Variants in TIMP2 observed in about 807,000 individuals in gnomAD.
The protein encoded by TIMP2 is metalloproteinase inhibitor 2.
Under a neutral mutation model 24.3 loss-of-function variants are expected in TIMP2, and 5 were observed. The observed-to-expected ratio is 0.21, with a 90% CI of 0.11 to 0.43. The LOEUF (loss-of-function observed/expected upper bound fraction) is 0.43, where lower values mean the gene tolerates loss of function less well. Among genes scored for constraint, TIMP2 ranks in the 20% least tolerant of loss-of-function variants. TIMP2 has a pLI of 1.00. For missense variants in TIMP2, 221 were observed against 297.5 expected (o/e 0.74, Z 1.89); for synonymous variants, 130 against 123.2 (o/e 1.06, Z -0.37).
intron 1 of TIMP2, chr17:78,892,012 C>G: frequency 6.4e-7 from 1 of 1,550,696 alleles, no homozygotes. Context: ...CCTTGGCCCT[C>G]GGGGGCCTGG....
intron 1 of TIMP2, chr17:78,899,301 C>G (rs1009021400): frequency 2.6e-5 from 4 of 153,396 alleles, no homozygotes; most frequent in African/African-American, 9.6e-5. Flanking sequence ...ACCCCCAGGC[C>G]TGCACCCCGT....
intron 1 of TIMP2, chr17:78,904,535 G>A (rs2070139486): frequency 1.3e-5 from 2 of 152,190 alleles, no homozygotes; most frequent in African/African-American, 4.8e-5. Flanking sequence ...CTGACTCAGG[G>A]AAGGGAGGCA....
chr17:78,857,682 G>A (rs752833282), intron 3 of TIMP2, 36 bp from the exon 4 acceptor site: 13 of 1,613,020 alleles, frequency 8.1e-6, no homozygotes, highest in African/African-American at 1.3e-5. Flanking sequence ...CTCAGGGAGA[G>A]GGAAAAGTCC....
rs1004909200 is a variant in TIMP2 at position 78,924,369 on chromosome 17, C to A, written c.130+590G>T. Among the ~76,000 whole-genome samples the A allele has an allele frequency of 7.9e-5, 12 of 152,346 alleles. No individual in the cohort carries two copies. Among genetic ancestry groups the A allele is most frequent in the Non-Finnish European group, 1.8e-4 (12 of 68,036 alleles). On this transcript the variant is annotated intron_variant, in intron 1 of 4. Transcript: ENST00000262768. The surrounding 1 kb of genome is among the most constrained non-coding windows in gnomAD (Gnocchi z 5.3). ...TCCTGGGCAGGGCGCAAGCAAGGAG[C>A]CACGCCAGGAGACGCCACCGGCTTT...
rs1038755442 is a variant in TIMP2 at position 78,920,634 on chromosome 17, C to T, written c.130+4325G>A. Among the ~76,000 whole-genome samples the T allele has an allele frequency of 2.6e-5, 4 of 152,222 alleles. No homozygotes were observed. The highest frequency in any genetic ancestry group is 5.9e-5 in the Non-Finnish European group (4 of 68,034). Reference sequence around the variant, plus strand: ...TTCTCCCCACAGCTCCCTCCTCAACCTACCATGGGGCCTTCTATCCTCACA... The same window carrying T: ...TTCTCCCCACAGCTCCCTCCTCAACTTACCATGGGGCCTTCTATCCTCACA... On this transcript the variant is annotated intron_variant, in intron 1 of 4. Transcript: ENST00000262768. The surrounding 1 kb of genome is among the most constrained non-coding windows in gnomAD (Gnocchi z 4.5).
Position 78,924,039 on chromosome 17 carries a change from A to G in TIMP2, c.130+920T>C, listed in dbSNP as rs939690159. Among the ~76,000 whole-genome samples, 3 of 152,192 alleles carry G rather than the reference A, an allele frequency of 2.0e-5. No individual in the cohort carries two copies. The highest frequency in any genetic ancestry group is 7.2e-5 in the African/African-American group (3 of 41,458). ...CAGGAAAACCATGCTGACCAGCACCAGGGCTGCAGAGGCTTGAGGTGCAGG... is the reference window on the plus strand; with the variant it reads ...CAGGAAAACCATGCTGACCAGCACCGGGGCTGCAGAGGCTTGAGGTGCAGG... On this transcript the variant is annotated intron_variant, in intron 1 of 4. Transcript: ENST00000262768. This position sits in a 1 kb window ranked among gnomAD's most constrained non-coding sequence, Gnocchi z 5.3.
At chr17:78,879,611 T>C (rs913601947) in intron 1 of TIMP2, among the ~76,000 whole-genome samples, 10 of 152,042 alleles carry the variant, frequency 6.6e-5, no homozygotes, top group African/African-American at 2.2e-4. Flanking sequence ...GGGGGAGTCT[T>C]TATAAAGACT....
At chr17:78,872,911 C>T (rs887076583) in intron 2 of TIMP2, among the ~76,000 whole-genome samples, 2 of 151,958 alleles carry the variant, frequency 1.3e-5, no homozygotes, top group Non-Finnish European at 2.9e-5. Flanking sequence ...CTCACGGCAA[C>T]CTCTGCCTCC....
intron 1 of TIMP2, chr17:78,904,089 T>TTGTGTGTGTGTGTGTGTGTGTGTGTG (rs1555651932): frequency 1.5e-3 from 68 of 43,950 alleles, no homozygotes; most frequent in African/African-American, 9.6e-3. Context: ...CCCAGCTAAT[T>TTGTGTGTGTGTGTGTGTGTGTGTGTG]TATGTGTGTG....
At chr17:78,857,368 C>T in intron 4 of TIMP2, 154 bp downstream of exon 4, 4 of 1,024,560 alleles carry the variant, frequency 3.9e-6, no homozygotes, top group South Asian at 1.6e-5. Flanking sequence ...GCCAGACAGC[C>T]TTACTCTTGG....
At chr17:78,907,504 T>C (rs1477194658) in intron 1 of TIMP2, among the ~76,000 whole-genome samples, 2 of 152,112 alleles carry the variant, frequency 1.3e-5, no homozygotes, top group Non-Finnish European at 2.9e-5. Context: ...GTGGGCACAG[T>C]TCATGGTGCC....
intron 3 of TIMP2, among the ~76,000 whole-genome samples, chr17:78,860,809 G>A (rs569165580): frequency 6.6e-6 from 1 of 152,270 alleles, no homozygotes; most frequent in East Asian, 1.9e-4. Context: ...GCCAGGGTGG[G>A]CAGATCACTT....
chr17:78,873,299 A>C (rs1370184308), intron 2 of TIMP2, among the ~76,000 whole-genome samples: 34 of 35,404 alleles, frequency 9.6e-4, no homozygotes, highest in Admixed American at 2.1e-3. Context: ...CCTCCCTGCC[A>C]CATATTTTTT....
chr17:78,907,488 T>C (rs2070171179), intron 1 of TIMP2, among the ~76,000 whole-genome samples: 1 of 152,174 alleles, frequency 6.6e-6, no homozygotes, highest in African/African-American at 2.4e-5. Context: ...AACTTTGCCA[T>C]CTCATGTGGG....
At chr17:78,889,159 G>T (rs754536592) in intron 1 of TIMP2, among the ~76,000 whole-genome samples, 1 of 152,234 alleles carries the variant, frequency 6.6e-6, no homozygotes, top group Non-Finnish European at 1.5e-5. Flanking sequence ...TGCACAGCTG[G>T]CAAAGGCTAA....
At chr17:78,912,943 G>A (rs899480768) in intron 1 of TIMP2, among the ~76,000 whole-genome samples, 1 of 152,192 alleles carries the variant, frequency 6.6e-6, no homozygotes, top group African/African-American at 2.4e-5. Context: ...CGTGGCACAA[G>A]CCTGTAATCC....
chr17:78,922,762 C>T (rs948795486), intron 1 of TIMP2, among the ~76,000 whole-genome samples: 4 of 151,918 alleles, frequency 2.6e-5, no homozygotes, highest in East Asian at 1.9e-4. Context: ...GAGGCTGCAG[C>T]GAGCCGAGAT....
intron 1 of TIMP2, among the ~76,000 whole-genome samples, chr17:78,916,248 G>A (rs1213096654): frequency 1.3e-5 from 2 of 152,142 alleles, no homozygotes; most frequent in African/African-American, 2.4e-5. Flanking sequence ...TCGCTCTGCT[G>A]GACTCAATCT....
chr17:78,891,726 C>T lies in TIMP2; in HGVS notation c.131-17807G>A. 6.4e-7 allele frequency: 1 copy of T among 1,551,232 alleles called. No homozygotes were observed. The highest frequency in any genetic ancestry group is 8.7e-7 in the Non-Finnish European group (1 of 1,147,130). On this transcript the variant is annotated intron_variant, in intron 1 of 4. Transcript: ENST00000262768. The surrounding 1 kb of genome is among the most constrained non-coding windows in gnomAD (Gnocchi z 4.5). ...TCCTCCACAAGCCCGATTTCTCCCACAGCAGCCACGAGTGGGTTTGACCTT... is the reference window on the plus strand; with the variant it reads ...TCCTCCACAAGCCCGATTTCTCCCATAGCAGCCACGAGTGGGTTTGACCTT...
Sources: allele counts gnomAD v4.1 joint callset (sites outside exome capture counted in the v4.1 genomes callset), GRCh38; gene constraint gnomAD v4.1.1; non-coding constraint Gnocchi (gnomAD v3.1); transcripts MANE v1.5; gene names NCBI Gene and HGNC (gene_info 2026-07-23, HGNC 2026-07-21).